The following KCNK18 variants were observed in gnomAD, a reference collection of about 807,000 sequenced individuals.
The protein encoded by KCNK18 is potassium two pore domain channel subfamily K member 18.
Under a neutral mutation model 11.8 loss-of-function variants are expected in KCNK18, and 8 were observed. That is an observed-to-expected ratio of 0.68 (90% CI 0.40 to 1.22). KCNK18 has a LOEUF of 1.22. Ranked by LOEUF, KCNK18 falls within the 50% of genes most tolerant of loss-of-function variation. The pLI is 0.01. For missense variants in KCNK18, 442 were observed against 465.4 expected (o/e 0.95, Z 0.46); for synonymous variants, 208 against 185.8 (o/e 1.12, Z -0.97).
intron 1 of KCNK18, among the ~76,000 whole-genome samples, chr10:117,199,502 C>T (rs3847483): frequency 0.067 from 10,164 of 152,210 alleles, 555 homozygotes; most frequent in Admixed American, 0.16. Flanking sequence ...CTAATCCTCA[C>T]AAGAAGCCTC....
intron 2 of KCNK18, among the ~76,000 whole-genome samples, chr10:117,203,837 A>G (rs757538650): frequency 3.3e-5 from 5 of 152,092 alleles, no homozygotes; most frequent in African/African-American, 4.8e-5. Flanking sequence ...GCACCCGGCC[A>G]TGCCTGGCTA....
rs751924178 is a variant in KCNK18, at chr10:117,210,248, T to G, written c.1104T>G (p.Asn368Lys). The G allele has an allele frequency of 1.5e-5, 25 of 1,614,072 alleles. No individual in the cohort carries two copies. The change falls in exon 3 of 3, where the codon AAT becomes AAG. Residue 368 changes from asparagine to lysine, a missense_variant. Transcript: ENST00000334549. ...ACAGGCTGATTGACATATACAAAAA[T>G]GTTATGCTATTCTTTGCAAAAGGGA... ...VQNRLIDIYK[N>K]VMLFFAKGKF...
chr10:117,209,796 C>G lies in KCNK18; in HGVS notation c.652C>G (p.Pro218Ala). 2 of 1,614,164 alleles carry G rather than the reference C, an allele frequency of 1.2e-6. No homozygotes were observed. The highest frequency in any genetic ancestry group is 1.7e-6 in the Non-Finnish European group (2 of 1,180,036). The part of the protein sequence containing the change: ...ELPGPKLGTC[P>A]SRPSCSMELF... ...TCCAGGCCCCAAACTTGGCACATGT[C>G]CTTCACGCCCAAGCTGCAGCATGGA... Residue 218 changes from proline to alanine, a missense_variant, in exon 3 of 3, where the codon CCT becomes GCT. By Grantham distance (27) the Pro-to-Ala change is conservative (BLOSUM62 -1). Coordinates refer to ENST00000334549, the MANE Select transcript of KCNK18 (RefSeq NM_181840.1).
In KCNK18 at chr10:117,209,840, T is replaced by G. The variant is rs1447571740; in HGVS notation, c.696T>G (p.His232Gln). The G allele has an allele frequency of 9.3e-6, 15 of 1,614,150 alleles. No individual in the cohort carries two copies. The highest frequency in any genetic ancestry group is 1.3e-5 in the African/African-American group (1 of 75,020). ...GCATGGAGCTGTTTGAGAGATCTCA[T>G]GCGCTAGAGAAACAGAACACACTGC... ...SCSMELFERS[H>Q]ALEKQNTLQL... Residue 232 changes from histidine (H) to glutamine (Q), a missense_variant, in exon 3 of 3, where the codon CAT becomes CAG. His to Gln is a conservative substitution (Grantham distance 24, BLOSUM62 0). Coordinates refer to ENST00000334549, the MANE Select transcript of KCNK18 (RefSeq NM_181840.1).
At chr10:117,204,873 G>A (rs1343312830) in intron 2 of KCNK18, among the ~76,000 whole-genome samples, 1 of 152,194 alleles carries the variant, frequency 6.6e-6, no homozygotes, top group Non-Finnish European at 1.5e-5. Flanking sequence ...ATTCTAGTGG[G>A]AGTCCAGGCT....
At position 117,209,788 on chromosome 10, in the gene KCNK18, G is replaced by C. The variant is rs777841499; in HGVS notation, c.644G>C (p.Gly215Ala). 6.2e-7 allele frequency: 1 copy of C among 1,614,110 alleles called. No homozygotes were observed. Among genetic ancestry groups the C allele is most frequent in the South Asian group, 1.1e-5 (1 of 91,072 alleles). ...SAEELPGPKLGTCPSRPSCSM... is the reference protein window; with the variant it reads ...SAEELPGPKLATCPSRPSCSM... Reference sequence around the variant, plus strand: ...GAAGAGCTTCCAGGCCCCAAACTTGGCACATGTCCTTCACGCCCAAGCTGC... The same window carrying C: ...GAAGAGCTTCCAGGCCCCAAACTTGCCACATGTCCTTCACGCCCAAGCTGC... Residue 215 changes from glycine (G) to alanine (A), a missense_variant, in exon 3 of 3, where the codon GGC becomes GCC. By Grantham distance (60) the Gly-to-Ala change is moderately conservative. Coordinates refer to ENST00000334549, the MANE Select transcript of KCNK18 (RefSeq NM_181840.1).
At chr10:117,205,001 G>A (rs1855060175) in intron 2 of KCNK18, among the ~76,000 whole-genome samples, 2 of 152,202 alleles carry the variant, frequency 1.3e-5, no homozygotes, top group South Asian at 4.1e-4. Context: ...ACAAACAACT[G>A]GAAGAGGATG....
intron 2 of KCNK18, among the ~76,000 whole-genome samples, chr10:117,201,603 C>T (rs908091651): frequency 2.0e-5 from 3 of 152,206 alleles, no homozygotes; most frequent in Admixed American, 6.5e-5. Flanking sequence ...AGTTCATGTG[C>T]GTTTGAACCC....
Position 117,209,840 on chromosome 10 carries a change from T to C in KCNK18, c.696T>C (p.His232=), listed in dbSNP as rs1447571740. Residue 232 remains histidine, a synonymous_variant, in exon 3 of 3, where the codon CAT becomes CAC. Coordinates refer to ENST00000334549, the MANE Select transcript of KCNK18 (RefSeq NM_181840.1). ...GCATGGAGCTGTTTGAGAGATCTCA[T>C]GCGCTAGAGAAACAGAACACACTGC... is the stretch of plus-strand genomic sequence containing the variant. ...SCSMELFERS[H]ALEKQNTLQL... is the part of the protein sequence containing the mutation. The C allele has an allele frequency of 1.8e-5, 29 of 1,614,032 alleles. No individual in the cohort carries two copies. Among genetic ancestry groups the C allele is most frequent in the Middle Eastern group, 3.3e-4 (2 of 6,084 alleles).
In KCNK18 at chr10:117,209,640, T is replaced by C. The variant is rs1855119448; in HGVS notation, c.496T>C (p.Phe166Leu). 1 of 1,614,022 alleles carries C rather than the reference T, an allele frequency of 6.2e-7. No homozygotes were observed. The change falls in exon 3 of 3, where the codon TTC becomes CTC. Residue 166 changes from phenylalanine (F) to leucine (L), a missense_variant. Physicochemically the swap from Phe to Leu is conservative, Grantham distance 22. Transcript: ENST00000334549. ...ATILSTSYNRFRKFPFFTRPL... is the reference protein window; with the variant it reads ...ATILSTSYNRLRKFPFFTRPL... Reference sequence around the variant, plus strand: ...CATCTTATCTACATCTTATAATCGGTTCCGAAAATTCCCTTTCTTTACCCG... The same window carrying C: ...CATCTTATCTACATCTTATAATCGGCTCCGAAAATTCCCTTTCTTTACCCG...
At position 117,197,629 on chromosome 10, in the gene KCNK18, C is replaced by T; in HGVS notation, c.141C>T (p.Gly47=). Residue 47 remains glycine, a synonymous_variant, in exon 1 of 3, where the codon GGC becomes GGT. Coordinates refer to ENST00000334549, the MANE Select transcript of KCNK18 (RefSeq NM_181840.1). ...TGGTCTTCTCTGCCATTGAGGACGG[C>T]CAGGTCCTGGTGGCAGCAGATGATG... is the stretch of plus-strand genomic sequence containing the variant. The part of the protein sequence containing the change: ...GAVVFSAIED[G]QVLVAADDGE... The T allele has an allele frequency of 6.2e-7, 1 of 1,614,130 alleles. No homozygotes were observed. The highest frequency in any genetic ancestry group is 8.5e-7 in the Non-Finnish European group (1 of 1,179,984).
chr10:117,204,808 CAG>C (rs1426025868), intron 2 of KCNK18, among the ~76,000 whole-genome samples: 2 of 152,198 alleles, frequency 1.3e-5, no homozygotes, highest in Admixed American at 1.3e-4. Flanking sequence ...CTAGAACAAA[CAG>C]AATCCCTAGG....
At chr10:117,203,496 C>T (rs996002962) in intron 2 of KCNK18, among the ~76,000 whole-genome samples, 6 of 152,296 alleles carry the variant, frequency 3.9e-5, no homozygotes, top group Admixed American at 1.3e-4. Context: ...AAGAAAGACA[C>T]GGAACTGTGC....
chr10:117,209,667 C>A lies in KCNK18; in HGVS notation c.523C>A (p.Pro175Thr), dbSNP rs548478370. 1.5e-5 allele frequency: 25 copies of A among 1,614,076 alleles called. No individual in the cohort carries two copies. In the South Asian group the frequency reaches 2.5e-4, roughly 16 times the overall value. Residue 175 changes from proline (P) to threonine (T), a missense_variant, in exon 3 of 3, where the codon CCC (proline) becomes ACC (threonine). Transcript: ENST00000334549. ...RFRKFPFFTR[P>T]LLSKWCPKSL... ...CCGAAAATTCCCTTTCTTTACCCGC[C>A]CCCTCCTCTCCAAGTGGTGCCCCAA... is the stretch of plus-strand genomic sequence containing the variant.
At chr10:117,200,863 CA>C (rs1320929582) in intron 1 of KCNK18, among the ~76,000 whole-genome samples, 1 of 151,186 alleles carries the variant, frequency 6.6e-6, no homozygotes, top group African/African-American at 2.4e-5. Context: ...AATTAAAAGG[CA>C]AAGACTACAC....
intron 2 of KCNK18, 65 bp downstream of exon 2, chr10:117,201,352 G>T: frequency 6.3e-7 from 1 of 1,580,376 alleles, no homozygotes; most frequent in African/African-American, 1.3e-5. Context: ...GGGTGGCAAA[G>T]GACACTGGAA....
intron 1 of KCNK18, 52 bp downstream of exon 1, chr10:117,197,763 C>T (rs1461840784): frequency 1.3e-6 from 2 of 1,517,618 alleles, no homozygotes; most frequent in South Asian, 2.3e-5. Context: ...TGGCAGCAGT[C>T]CCCCAAGAGC....
At chr10:117,209,292 A>C (rs1304119802) in intron 2 of KCNK18, among the ~76,000 whole-genome samples, 1 of 152,208 alleles carries the variant, frequency 6.6e-6, no homozygotes, top group Admixed American at 6.5e-5. Flanking sequence ...CTTATCCTAA[A>C]GGGAAGCTGT....
intron 2 of KCNK18, among the ~76,000 whole-genome samples, chr10:117,203,456 AAAC>A (rs1298899621): frequency 6.6e-6 from 1 of 152,208 alleles, no homozygotes; most frequent in Non-Finnish European, 1.5e-5. Flanking sequence ...TGCTTTGAGG[AAAC>A]AATAGGCCCA....
Sources: gnomAD v4.1 joint callset for allele counts (sites outside exome capture counted in the v4.1 genomes callset) on GRCh38, gnomAD v4.1.1 for gene constraint, MANE v1.5 for transcripts, NCBI Gene and HGNC (gene_info 2026-07-23, HGNC 2026-07-21) for gene names.